CNTNAP4: variants seen among roughly 807,000 people sequenced by gnomAD.
CNTNAP4 encodes contactin associated protein family member 4, also known as contactin-associated protein-like 4.
Under a neutral mutation model 148.4 loss-of-function variants are expected in CNTNAP4, and 98 were observed. The ratio of observed to expected loss-of-function variants is 0.66; its 90% CI spans 0.56 to 0.78. CNTNAP4 has a LOEUF of 0.78. Among genes scored for constraint, CNTNAP4 ranks in the 30% least tolerant of loss-of-function variants. CNTNAP4 has a pLI of 0.00. For synonymous variants in CNTNAP4, 730 were observed against 565.1 expected (o/e 1.29, Z -4.14); for missense variants, 1,935 against 1,565.6 (o/e 1.24, Z -3.98).
chr16:76,319,361 A>G (rs1962163137), intron 2 of CNTNAP4, among the ~76,000 whole-genome samples: 1 of 152,080 alleles, frequency 6.6e-6, no homozygotes, highest in Non-Finnish European at 1.5e-5. Flanking sequence ...GTTGCACTCC[A>G]GGGTGACAGA....
chr16:76,370,280 A>T (rs899202372), intron 3 of CNTNAP4, among the ~76,000 whole-genome samples: 44 of 150,146 alleles, frequency 2.9e-4, no homozygotes, highest in African/African-American at 1.1e-3. Flanking sequence ...ATCTGAGTGT[A>T]TTCTGACAGA....
At chr16:76,497,277 TAAATG>T (rs2082430734) in intron 14 of CNTNAP4, among the ~76,000 whole-genome samples, 1 of 152,228 alleles carries the variant, frequency 6.6e-6, no homozygotes, top group South Asian at 2.1e-4. Context: ...GGAGCAGCGT[TAAATG>T]AATTATGTCT....
At chr16:76,280,226 T>C (rs1179789315) in intron 1 of CNTNAP4, among the ~76,000 whole-genome samples, 1 of 152,190 alleles carries the variant, frequency 6.6e-6, no homozygotes, top group Non-Finnish European at 1.5e-5. Context: ...GGTTGCCAGT[T>C]TGAAAGCTTT....
intron 23 of CNTNAP4, chr16:76,558,251 T>C (rs568623160): frequency 1.3e-5 from 5 of 397,566 alleles, no homozygotes; most frequent in East Asian, 8.3e-5. Flanking sequence ...GTAAATCCGA[T>C]ATAATATGCA....
intron 15 of CNTNAP4, among the ~76,000 whole-genome samples, chr16:76,499,149 G>A (rs962782527): frequency 2.3e-4 from 34 of 148,864 alleles, no homozygotes; most frequent in Non-Finnish European, 7.4e-5. Context: ...CTCACTGCAA[G>A]CTCTGCCTCC....
At chr16:76,336,409 G>A (rs761789923) in intron 2 of CNTNAP4, among the ~76,000 whole-genome samples, 8 of 152,096 alleles carry the variant, frequency 5.3e-5, no homozygotes, top group Admixed American at 1.3e-4. Context: ...TTTACACCAC[G>A]GGAATTGACA....
In CNTNAP4 at chr16:76,385,912, C is replaced by G. The variant is rs140969386; in HGVS notation, c.390+30401C>G. ...AGGAACATAAGGCAGTATTTCAGCT[C>G]TACGTTTGGGGCCCATTTTAAACAG... On this transcript the variant is annotated intron_variant, in intron 3 of 23. Transcript: ENST00000611870. Among the ~76,000 whole-genome samples, 234 of 152,024 alleles carry G rather than the reference C, an allele frequency of 1.5e-3. 2 individuals are homozygous for G. The highest frequency in any genetic ancestry group is 3.9e-3 in the Admixed American group (59 of 15,276).
At chr16:76,350,903 A>G (rs186660217) in intron 2 of CNTNAP4, among the ~76,000 whole-genome samples, 50 of 152,266 alleles carry the variant, frequency 3.3e-4, no homozygotes, top group African/African-American at 1.2e-3. Context: ...TCTCAGTAAC[A>G]AAGTTAAGGT....
At position 76,535,382 on chromosome 16, in the gene CNTNAP4, A is replaced by G. The variant is rs1047463512; in HGVS notation, c.2756-163A>G. On this transcript the variant is annotated intron_variant, in intron 17 of 23. Transcript: ENST00000611870. ...TTTAAAAAAATTGAATTAAAGTTGT[A>G]TCTTTCTTGGAGTCTATATTTGACC... 4.6e-5 allele frequency among the ~76,000 whole-genome samples: 7 copies of G among 152,206 alleles called. No homozygotes were observed. The East Asian group carries it at 7.7e-4, about 17-fold the overall frequency.
intron 1 of CNTNAP4, among the ~76,000 whole-genome samples, chr16:76,290,692 C>T (rs1353404475): frequency 3.3e-5 from 5 of 152,148 alleles, no homozygotes; most frequent in Non-Finnish European, 4.4e-5. Context: ...GGCATTCTAC[C>T]AGTTTTGTTC....
rs1186513098 is a variant in CNTNAP4, at chr16:76,479,526, T to C, written c.1870T>C (p.Cys624Arg). Residue 624 changes from cysteine (C) to arginine (R), a missense_variant, in exon 12 of 24, where the codon TGC (cysteine) becomes CGC (arginine). Transcript: ENST00000611870. ...SGPLEPFLLY[C>R]NMTETAWTII... is the part of the protein sequence containing the mutation. The stretch of plus-strand genomic sequence containing the variant: ...TCCCCTGGAACCATTTCTTCTATAT[T>C]GCAATATGACCGGTGAGTTAATCAG... The C allele has an allele frequency of 6.2e-7, 1 of 1,608,590 alleles. No homozygotes were observed. The highest frequency in any genetic ancestry group is 2.2e-5 in the East Asian group (1 of 44,586).
In CNTNAP4 at chr16:76,540,776, T is replaced by G. The variant is rs1291937052; in HGVS notation, c.3428T>G (p.Leu1143Trp). The G allele has an allele frequency of 1.3e-6, 2 of 1,567,420 alleles. No individual in the cohort carries two copies. The highest frequency in any genetic ancestry group is 1.7e-6 in the Non-Finnish European group (2 of 1,153,918). ...TEFSAVKSLV[L>W]GRILEHSDVD... ...TTCAGTGCAGTCAAATCTCTGGTAT[T>G]GGGCAGGATTTTAGGTAAGTGAAAG... is the stretch of plus-strand genomic sequence containing the variant. Residue 1143 changes from leucine (L) to tryptophan (W), a missense_variant, in exon 21 of 24, where the codon TTG (leucine) becomes TGG (tryptophan). Transcript: ENST00000611870.
chr16:76,522,457 C>A (rs1261801811), intron 17 of CNTNAP4, among the ~76,000 whole-genome samples, 200 bp downstream of exon 17: 1 of 152,124 alleles, frequency 6.6e-6, no homozygotes, highest in Non-Finnish European at 1.5e-5. Flanking sequence ...CCGTATTTTA[C>A]AGATGAGATA....
At chr16:76,471,598 C>A (rs1277760493) in intron 10 of CNTNAP4, among the ~76,000 whole-genome samples, 1 of 152,114 alleles carries the variant, frequency 6.6e-6, no homozygotes, top group Non-Finnish European at 1.5e-5. Flanking sequence ...CATCCAGGCC[C>A]GTTGTTTTCC....
Position 76,374,640 on chromosome 16 carries a change from G to A in CNTNAP4, c.390+19129G>A, listed in dbSNP as rs151026493. 5.5e-3 allele frequency among the ~76,000 whole-genome samples: 832 copies of A among 151,696 alleles called. 4 individuals are homozygous for A. The highest frequency in any genetic ancestry group is 9.6e-3 in the African/African-American group (396 of 41,424). ...ATGTACACACAAACATTGAATTTCC[G>A]TGTACATTACTCTCACTTTCTTAGT... On this transcript the variant is annotated intron_variant, in intron 3 of 23. Coordinates refer to ENST00000611870, the MANE Select transcript of CNTNAP4 (RefSeq NM_033401.5).
rs377600807 is a variant in CNTNAP4, at chr16:76,553,437, G to A, written c.3597G>A (p.Glu1199=). Residue 1199 remains glutamate, a synonymous_variant, in exon 22 of 24, where the codon GAG becomes GAA. Coordinates refer to ENST00000611870, the MANE Select transcript of CNTNAP4 (RefSeq NM_033401.5). The part of the protein sequence containing the change: ...DPVTVTGHVT[E]SSCMAQPGTD... ...TCACTGTTACAGGACACGTGACTGAGTCCAGCTGTATGGCCCAGCCTGGCA... is the reference window on the plus strand; with the variant it reads ...TCACTGTTACAGGACACGTGACTGAATCCAGCTGTATGGCCCAGCCTGGCA... The A allele has an allele frequency of 9.9e-5, 159 of 1,612,774 alleles. No individual in the cohort carries two copies. In the African/African-American group the frequency reaches 1.7e-3, roughly 18 times the overall value.
intron 2 of CNTNAP4, among the ~76,000 whole-genome samples, chr16:76,354,698 C>T (rs1036410643): frequency 6.6e-6 from 1 of 152,202 alleles, no homozygotes; most frequent in African/African-American, 2.4e-5. Context: ...CAAGCTCCAA[C>T]CCACCACTGG....
chr16:76,410,347 T>A (rs891819989), intron 3 of CNTNAP4, among the ~76,000 whole-genome samples: 1 of 151,792 alleles, frequency 6.6e-6, no homozygotes, highest in Admixed American at 6.6e-5. Context: ...ATTTCAGACA[T>A]CCTAGCATTA....
intron 15 of CNTNAP4, among the ~76,000 whole-genome samples, chr16:76,519,931 C>T (rs926737883): frequency 2.0e-5 from 3 of 152,138 alleles, no homozygotes; most frequent in African/African-American, 7.2e-5. Context: ...TTAAGAAACA[C>T]GTATAAGCAA....
Sources: allele counts gnomAD v4.1 joint callset (sites outside exome capture counted in the v4.1 genomes callset), GRCh38; gene constraint gnomAD v4.1.1; transcripts MANE v1.5; gene names NCBI Gene and HGNC (gene_info 2026-07-23, HGNC 2026-07-21).